The following ERO1B variants were observed in gnomAD, a reference collection of about 807,000 sequenced individuals.
ERO1B encodes ERO1-like protein beta.
ERO1B carries 49 observed loss-of-function variants against 75.3 expected under a neutral mutation model. The ratio of observed to expected loss-of-function variants is 0.65; its 90% CI spans 0.52 to 0.83. ERO1B has a LOEUF of 0.83. ERO1B is among the 40% of genes least tolerant of loss of function. ERO1B has a pLI of 0.00. For synonymous variants in ERO1B, 191 were observed against 192.9 expected (o/e 0.99, Z 0.08); for missense variants, 512 against 560.1 (o/e 0.91, Z 0.87).
chr1:236,226,546 T>G (rs1158574735), intron 11 of ERO1B, 31 bp from the exon 12 acceptor site: 1 of 1,598,888 alleles, frequency 6.3e-7, no homozygotes, highest in Non-Finnish European at 8.5e-7. Context: ...ATTACATTGT[T>G]TTAGTAAACA....
At chr1:236,274,147 C>A (rs1280235673) in intron 1 of ERO1B, among the ~76,000 whole-genome samples, 3 of 151,958 alleles carry the variant, frequency 2.0e-5, no homozygotes, top group African/African-American at 7.3e-5. Context: ...CCATGCCCAG[C>A]TAATTTTTGT....
chr1:236,245,944 C>T (rs572707361), intron 5 of ERO1B, among the ~76,000 whole-genome samples: 2 of 151,894 alleles, frequency 1.3e-5, no homozygotes, highest in Non-Finnish European at 2.9e-5. Flanking sequence ...GTCAAAACAT[C>T]AAACTGTATA....
chr1:236,276,645 G>A (rs1281177655), intron 1 of ERO1B, among the ~76,000 whole-genome samples: 3 of 152,106 alleles, frequency 2.0e-5, no homozygotes, highest in East Asian at 1.9e-4. Context: ...TCAGAGGTGC[G>A]GTAGGAGCAA....
chr1:236,219,929 T>C (rs764101882), intron 15 of ERO1B, among the ~76,000 whole-genome samples: 18 of 149,442 alleles, frequency 1.2e-4, no homozygotes, highest in Non-Finnish European at 2.4e-4. Context: ...GAAGCTCAAG[T>C]GGAAGGAACG....
At chr1:236,252,160 T>C (rs1187811727) in intron 3 of ERO1B, 69 bp from the exon 4 acceptor site, 6 of 954,774 alleles carry the variant, frequency 6.3e-6, no homozygotes, top group Non-Finnish European at 8.5e-6. Context: ...TCTTCACGAA[T>C]TGTCAATGCA....
rs183431367 is a variant in ERO1B at position 236,269,456 on chromosome 1, G to C, written c.222+419C>G. ...AGTGGTCTACTTGGAGCCTCAGCCT[G>C]TTTTGCCAGCCCTCTCAGAAAGAGG... is the stretch of plus-strand genomic sequence containing the variant. On this transcript the variant is annotated intron_variant, in intron 2 of 15. Coordinates refer to ENST00000354619, the MANE Select transcript of ERO1B (RefSeq NM_019891.4). Among the ~76,000 whole-genome samples the C allele has an allele frequency of 1.3e-3, 195 of 152,246 alleles. 2 individuals are homozygous for C. Among genetic ancestry groups the C allele is most frequent in the African/African-American group, 4.2e-3 (173 of 41,538 alleles).
At chr1:236,239,913 T>TATA (rs1558511005) in intron 6 of ERO1B, among the ~76,000 whole-genome samples, 3 of 129,486 alleles carry the variant, frequency 2.3e-5, no homozygotes, top group African/African-American at 8.7e-5. Context: ...ATATATATAT[T>TATA]TTTTTTTTTT....
intron 2 of ERO1B, among the ~76,000 whole-genome samples, chr1:236,256,068 C>G (rs1282882020): frequency 6.6e-6 from 1 of 152,186 alleles, no homozygotes; most frequent in East Asian, 1.9e-4. Flanking sequence ...AGGGACAGCA[C>G]TCTATGTGCC....
chr1:236,260,613 C>T (rs1454431609), intron 2 of ERO1B, among the ~76,000 whole-genome samples: 3 of 149,342 alleles, frequency 2.0e-5, no homozygotes, highest in Admixed American at 6.7e-5. Context: ...TGCAATGAGC[C>T]GAGATCGCGC....
At chr1:236,220,721 A>AT in intron 15 of ERO1B, 111 bp downstream of exon 15, 10 of 875,660 alleles carry the variant, frequency 1.1e-5, no homozygotes, top group South Asian at 2.9e-5. Flanking sequence ...TACAATATAA[A>AT]ATTTTTTTTT....
intron 1 of ERO1B, among the ~76,000 whole-genome samples, chr1:236,272,029 T>C (rs1021929721): frequency 6.6e-6 from 1 of 152,034 alleles, no homozygotes; most frequent in Non-Finnish European, 1.5e-5. Context: ...ACTGCCAGTA[T>C]CATATTAAAA....
chr1:236,251,681 T>G (rs1427593377), intron 4 of ERO1B, among the ~76,000 whole-genome samples: 1 of 152,210 alleles, frequency 6.6e-6, no homozygotes, highest in African/African-American at 2.4e-5. Flanking sequence ...GAAAGTACTC[T>G]GCTCAAAATA....
chr1:236,271,922 G>A lies in ERO1B; in HGVS notation c.103-1928C>T, dbSNP rs1665599202. 2.0e-5 allele frequency among the ~76,000 whole-genome samples: 3 copies of A among 152,080 alleles called. No individual in the cohort carries two copies. In the South Asian group the frequency reaches 6.2e-4, roughly 32 times the overall value. ...TACTTCTTTAAAACATTTTAATTGT[G>A]GTAGGGGATGGGTTAACAAAGTTGC... On this transcript the variant is annotated intron_variant, in intron 1 of 15. Coordinates refer to ENST00000354619, the MANE Select transcript of ERO1B (RefSeq NM_019891.4).
intron 2 of ERO1B, among the ~76,000 whole-genome samples, chr1:236,263,125 C>A (rs1168414886): frequency 6.6e-6 from 1 of 152,118 alleles, no homozygotes; most frequent in African/African-American, 2.4e-5. Flanking sequence ...ACTGTTGTTC[C>A]CAAGAGTATA....
intron 9 of ERO1B, among the ~76,000 whole-genome samples, chr1:236,231,133 T>C (rs1256990207): frequency 6.6e-6 from 1 of 152,096 alleles, no homozygotes; most frequent in African/African-American, 2.4e-5. Context: ...AAACTAAAAA[T>C]ATTTCCTCAA....
chr1:236,225,188 A>C, intron 12 of ERO1B, 49 bp from the exon 13 acceptor site: 2 of 1,541,316 alleles, frequency 1.3e-6, no homozygotes, highest in Non-Finnish European at 1.8e-6. Context: ...AAATCCACGT[A>C]CTCTGTATCA....
Position 236,217,757 on chromosome 1 carries a change from G to A in ERO1B, c.*759C>T, listed in dbSNP as rs1189806003. On this transcript the variant is annotated 3_prime_UTR_variant, in exon 16 of 16. Transcript: ENST00000354619. ...GGGGCAGAGAAAAGCAAAATCAAAA[G>A]GAGTTCTAAGTAAAAGAACACTCTT... 6.6e-6 allele frequency: 1 copy of A among 152,164 alleles called. No homozygotes were observed. The highest frequency in any genetic ancestry group is 2.4e-5 in the African/African-American group (1 of 41,408). 9.4% of individuals were successfully genotyped at this position (152,164 alleles called of 1,614,324 possible).
chr1:236,250,034 G>T, intron 4 of ERO1B, 67 bp from the exon 5 acceptor site: 2 of 1,045,612 alleles, frequency 1.9e-6, no homozygotes, highest in Non-Finnish European at 2.8e-6. Context: ...TCTATTGGCA[G>T]AATAATCAAT....
chr1:236,268,690 T>A (rs111370297), intron 2 of ERO1B, among the ~76,000 whole-genome samples: 10 of 150,512 alleles, frequency 6.6e-5, no homozygotes, highest in East Asian at 6.0e-4. Context: ...ATCAAGACCA[T>A]CCTGGCTAAC....
Sources: gnomAD v4.1 joint callset for allele counts (sites outside exome capture counted in the v4.1 genomes callset) on GRCh38, gnomAD v4.1.1 for gene constraint, MANE v1.5 for transcripts, NCBI Gene and HGNC (gene_info 2026-07-23, HGNC 2026-07-21) for gene names.